The following NCOA3 variants were observed in gnomAD, a reference collection of about 807,000 sequenced individuals.
NCOA3 encodes nuclear receptor coactivator 3, also known as CBP-interacting protein.
In NCOA3, 51 loss-of-function variants were observed where a neutral mutation model predicts 158.8. The ratio of observed to expected loss-of-function variants is 0.32; its 90% confidence interval spans 0.26 to 0.41. NCOA3 has a LOEUF of 0.41. NCOA3 is among the 10% of genes least tolerant of loss of function. The pLI is 1.00. For missense variants in NCOA3, 1,510 were observed against 1,746.6 expected, an observed-to-expected ratio of 0.86 and a Z score of 2.41; for synonymous variants, 537 against 592.4, an observed-to-expected ratio of 0.91 and a Z score of 1.36.
intron 1 of NCOA3, among the ~76,000 whole-genome samples, chr20:47,535,059 A>C (rs1238025199): frequency 7.3e-6 from 1 of 137,616 alleles, no homozygotes; most frequent in Non-Finnish European, 1.6e-5. Flanking sequence ...CGTTATTATT[A>C]TTCTTAGTTT....
intron 1 of NCOA3, among the ~76,000 whole-genome samples, chr20:47,524,981 A>G (rs1349914406): frequency 6.8e-6 from 1 of 147,510 alleles, no homozygotes; most frequent in Non-Finnish European, 1.5e-5. Flanking sequence ...TTTCTCGCAG[A>G]GGGGGATTTG....
In NCOA3 at chr20:47,636,129, G is replaced by T; in HGVS notation, c.1743G>T (p.Glu581Asp). 1 of 1,614,212 alleles carries T rather than the reference G, an allele frequency of 6.2e-7. No homozygotes were observed. Among genetic ancestry groups the T allele is most frequent in the Non-Finnish European group, 8.5e-7 (1 of 1,180,040 alleles). The change falls in exon 12 of 23, where the codon GAG (glutamate) becomes GAT (aspartate). Residue 581 changes from glutamate (E) to aspartate (D), a missense_variant. Glu to Asp is a conservative substitution (Grantham distance 45). Around this residue, in one of 4 missense-constraint regions of NCOA3, gnomAD observed 1,017 missense variants for 1,098.3 expected, o/e 0.93. Coordinates refer to ENST00000371998, the MANE Select transcript of NCOA3 (RefSeq NM_181659.3). ...LGFYCDQNPVESSMCQSNSRD... is the reference protein window; with the variant it reads ...LGFYCDQNPVDSSMCQSNSRD... Reference sequence around the variant, plus strand: ...TTTATTGCGACCAAAATCCAGTGGAGAGTTCAATGTGTCAGTCAAATAGCA... The same window carrying T: ...TTTATTGCGACCAAAATCCAGTGGATAGTTCAATGTGTCAGTCAAATAGCA...
chr20:47,642,922 C>G (rs1286503236), intron 17 of NCOA3, among the ~76,000 whole-genome samples: 1 of 152,028 alleles, frequency 6.6e-6, no homozygotes, highest in African/African-American at 2.4e-5. Context: ...ACTGTTTTTT[C>G]TTTTTTGAAT....
rs12480319 is a variant in NCOA3 at position 47,513,902 on chromosome 20, T to C, written c.-99+11883T>C. On this transcript the variant is annotated intron_variant, in intron 1 of 22. Transcript: ENST00000371998. Reference sequence around the variant, plus strand: ...CTGTACTTGTGCCCTTCCATAAATATATTATACATCAATTTAAAGTTTGCC... The same window carrying C: ...CTGTACTTGTGCCCTTCCATAAATACATTATACATCAATTTAAAGTTTGCC... Among the ~76,000 whole-genome samples, 407 of 152,104 alleles carry C rather than the reference T, an allele frequency of 2.7e-3. 10 individuals carry two copies. The East Asian group carries it at 0.052, about 19-fold the overall frequency.
At chr20:47,542,715 G>A (rs1602375686) in intron 1 of NCOA3, among the ~76,000 whole-genome samples, 1 of 152,030 alleles carries the variant, frequency 6.6e-6, no homozygotes, top group Non-Finnish European at 1.5e-5. Context: ...TAGTCCCAGC[G>A]CTTTGGGAAG....
At chr20:47,519,364 C>T (rs149846321) in intron 1 of NCOA3, among the ~76,000 whole-genome samples, 2,858 of 146,302 alleles carry the variant, frequency 0.02, 57 homozygotes, top group Non-Finnish European at 0.026. Flanking sequence ...CCTGGGAGGC[C>T]GAGACTACAG....
At chr20:47,632,830 A>G (rs2086443501) in intron 8 of NCOA3, among the ~76,000 whole-genome samples, 1 of 149,150 alleles carries the variant, frequency 6.7e-6, no homozygotes, top group African/African-American at 2.5e-5. Context: ...CTACAGGCGC[A>G]CACTCCCATG....
chr20:47,632,687 G>A (rs978649299), intron 8 of NCOA3, among the ~76,000 whole-genome samples: 3 of 111,196 alleles, frequency 2.7e-5, no homozygotes, highest in Admixed American at 8.6e-5. Context: ...TTGCTGGCCC[G>A]AGTTTTTTTT....
chr20:47,649,665 AT>A (rs1266334657), intron 19 of NCOA3, among the ~76,000 whole-genome samples: 2 of 152,080 alleles, frequency 1.3e-5, no homozygotes, highest in African/African-American at 4.8e-5. Context: ...CTCTATTGTG[AT>A]TTGAAATATC....
At chr20:47,509,493 G>A (rs776101053) in intron 1 of NCOA3, among the ~76,000 whole-genome samples, 25 of 152,174 alleles carry the variant, frequency 1.6e-4, no homozygotes, top group Non-Finnish European at 3.4e-4. Context: ...CCTCCTTCTC[G>A]TGTAAGAAAA....
chr20:47,505,003 G>GGTTTTTTTTTT (rs2084004306), intron 1 of NCOA3, among the ~76,000 whole-genome samples: 1 of 28,550 alleles, frequency 3.5e-5, no homozygotes, highest in Non-Finnish European at 5.4e-5. Flanking sequence ...TGGGTTTTTG[G>GGTTTTTTTTTT]TTTTTTTTTT....
At chr20:47,520,708 G>C (rs772212409) in intron 1 of NCOA3, among the ~76,000 whole-genome samples, 3 of 152,024 alleles carry the variant, frequency 2.0e-5, no homozygotes, top group Admixed American at 6.6e-5. Flanking sequence ...TCAAACTAGG[G>C]AGTGTCTTGC....
At position 47,570,984 on chromosome 20, in the gene NCOA3, A is replaced by ATGTGTG. The variant is rs74178747; in HGVS notation, c.-98-12185_-98-12180dup. Among the ~76,000 whole-genome samples the ATGTGTG allele has an allele frequency of 1.1e-3, 135 of 120,850 alleles. 3 individuals carry two copies. Among genetic ancestry groups the ATGTGTG allele is most frequent in the Middle Eastern group, 0.012 (2 of 168 alleles). The allele number at this position is 120,850 out of a possible 152,430, so 79.3% of individuals were successfully genotyped here. A position where few individuals can be genotyped will look rare whatever the true frequency, so the allele number is the denominator to read the frequency against. On this transcript the variant is annotated intron_variant, in intron 1 of 22. Transcript: ENST00000371998. ...CACACACACACAAGTATATACATAT[A>ATGTGTG]TGTGTGTGTGTGTGTGTGTATATAC...
chr20:47,506,019 G>T (rs189921667), intron 1 of NCOA3, among the ~76,000 whole-genome samples: 64 of 152,198 alleles, frequency 4.2e-4, no homozygotes, highest in African/African-American at 1.4e-3. Context: ...TGGCCAGGCT[G>T]GTCTCGAACT....
intron 2 of NCOA3, among the ~76,000 whole-genome samples, chr20:47,589,337 A>G (rs1171521432): frequency 6.6e-6 from 1 of 152,128 alleles, no homozygotes; most frequent in Non-Finnish European, 1.5e-5. Context: ...GCCTCTATTC[A>G]GTGCCATCCT....
intron 2 of NCOA3, among the ~76,000 whole-genome samples, chr20:47,591,140 CAAAAG>C (rs1178022174): frequency 6.6e-6 from 1 of 152,030 alleles, no homozygotes; most frequent in Non-Finnish European, 1.5e-5. Flanking sequence ...AAAGAAAAAA[CAAAAG>C]AAAAAACCAT....
intron 1 of NCOA3, among the ~76,000 whole-genome samples, chr20:47,503,820 G>C (rs977422759): frequency 6.6e-6 from 1 of 152,128 alleles, no homozygotes; most frequent in Non-Finnish European, 1.5e-5. Flanking sequence ...TATAGCTCCT[G>C]TCACTAGAGG....
intron 2 of NCOA3, among the ~76,000 whole-genome samples, chr20:47,609,498 A>T (rs1408412292): frequency 6.6e-6 from 1 of 152,140 alleles, no homozygotes; most frequent in Non-Finnish European, 1.5e-5. Context: ...CTTTAAAGTT[A>T]TGGATCATGT....
intron 2 of NCOA3, among the ~76,000 whole-genome samples, chr20:47,619,176 A>G (rs1602494996): frequency 6.6e-6 from 1 of 152,222 alleles, no homozygotes; most frequent in Admixed American, 6.5e-5. Flanking sequence ...TTCAACTTAT[A>G]TTTAATAACA....
Sources: gnomAD v4.1 joint callset for allele counts (sites outside exome capture counted in the v4.1 genomes callset) on GRCh38, gnomAD v4.1.1 for gene constraint, gnomAD v4.1.1 regional missense constraint, MANE v1.5 for transcripts, NCBI Gene and HGNC (gene_info 2026-07-23, HGNC 2026-07-21) for gene names.